IRAG1: variants seen among roughly 807,000 people sequenced by gnomAD.
IRAG1 encodes IP3R-associated cGMP kinase substrate.
IRAG1 carries 62 observed loss-of-function variants against 106.2 expected under a neutral mutation model. That is an observed-to-expected ratio of 0.58 (90% CI 0.48 to 0.72). The LOEUF (loss-of-function observed/expected upper bound fraction) is 0.72. Ranked by LOEUF, IRAG1 falls within the 30% of genes least tolerant of loss-of-function variation. The probability of loss-of-function intolerance (pLI) is 0.00; values close to 1 mark genes in which losing one functional copy is unlikely to be tolerated. For missense variants in IRAG1, 1,064 were observed against 1,140.7 expected (o/e 0.93, Z 0.97); for synonymous variants, 462 against 443.9 (o/e 1.04, Z -0.51).
At chr11:10,603,450 C>T (rs569944773) in intron 13 of IRAG1, among the ~76,000 whole-genome samples, 199 bp from the exon 14 acceptor site, 7 of 152,264 alleles carry the variant, frequency 4.6e-5, no homozygotes, top group East Asian at 3.9e-4. Flanking sequence ...CTAGATCCTT[C>T]GCATGCACAG....
intron 2 of IRAG1, among the ~76,000 whole-genome samples, chr11:10,641,363 A>G (rs1441382511): frequency 6.6e-6 from 1 of 152,136 alleles, no homozygotes; most frequent in Non-Finnish European, 1.5e-5. Context: ...AACCATCTGG[A>G]GTTAAATTGG....
chr11:10,609,797 A>G lies in IRAG1; in HGVS notation c.1502T>C (p.Leu501Ser), dbSNP rs1275136653. The G allele has an allele frequency of 6.2e-7, 1 of 1,613,982 alleles. No individual in the cohort carries two copies. The highest frequency in any genetic ancestry group is 1.3e-5 in the African/African-American group (1 of 75,046). Residue 501 changes from leucine (L) to serine (S), a missense_variant, in exon 11 of 21, where the codon TTA (leucine) becomes TCA (serine). Leu to Ser is a moderately radical substitution (Grantham distance 145). Transcript: ENST00000423302. Reference sequence around the variant, plus strand: ...ATCAGAAATATTAGGCATGACATCTAAGCCACTCTTTGACTCTTCTTCCTC... The same window carrying G: ...ATCAGAAATATTAGGCATGACATCTGAGCCACTCTTTGACTCTTCTTCCTC... Reference protein sequence around the residue: ...AIEEEESKSGLDVMPNISDVL... With the variant: ...AIEEEESKSGSDVMPNISDVL...
chr11:10,680,540 G>GAAGGAAGGAA lies in IRAG1; in HGVS notation c.67+12995_67+12996insTTCCTTCCTT, dbSNP rs149163071. Among the ~76,000 whole-genome samples the GAAGGAAGGAA allele has an allele frequency of 2.1e-3, 176 of 85,794 alleles. 1 individual carries two copies. Among genetic ancestry groups the GAAGGAAGGAA allele is most frequent in the African/African-American group, 9.0e-3 (167 of 18,548 alleles). 56.3% of individuals were successfully genotyped at this position (85,794 alleles called of 152,430 possible). On this transcript the variant is annotated intron_variant, in intron 1 of 20. Transcript: ENST00000423302. Reference sequence around the variant, plus strand: ...GAAAGGAAGAAAGGAAGGAAGGAAGGGGAAGGGGAAGGGGAAGGGGAAGGG... The same window carrying GAAGGAAGGAA: ...GAAAGGAAGAAAGGAAGGAAGGAAGGAAGGAAGGAAGGAAGGGGAAGGGGAAGGGGAAGGG...
rs1856442227 is a variant in IRAG1, at chr11:10,628,537, A to G, written c.652+214T>C. On this transcript the variant is annotated intron_variant, in intron 6 of 20. Coordinates refer to ENST00000423302, the MANE Select transcript of IRAG1 (RefSeq NM_130385.4). This position sits in a 1 kb window ranked among gnomAD's most constrained non-coding sequence, Gnocchi z 4.1. ...CCCTGGGGTACACCTGCCTCCCGACACAAGCCCAAGATGCTAACAGAAAGT... is the reference window on the plus strand; with the variant it reads ...CCCTGGGGTACACCTGCCTCCCGACGCAAGCCCAAGATGCTAACAGAAAGT... Among the ~76,000 whole-genome samples the G allele has an allele frequency of 6.6e-6, 1 of 152,138 alleles. No homozygotes were observed. The highest frequency in any genetic ancestry group is 1.5e-5 in the Non-Finnish European group (1 of 68,028).
chr11:10,618,250 G>A (rs534691378), intron 10 of IRAG1, among the ~76,000 whole-genome samples: 15 of 152,234 alleles, frequency 9.9e-5, no homozygotes, highest in Non-Finnish European at 1.3e-4. Flanking sequence ...GGCTCCTCCT[G>A]AAAACCTTCC....
rs111745329 is a variant in IRAG1 at position 10,692,195 on chromosome 11, G to GCA, written c.67+1339_67+1340dup. ...AAACAGCCACCCACCAAATATGCATGCACACACACACACATACACGCACTA... is the reference window on the plus strand; with the variant it reads ...AAACAGCCACCCACCAAATATGCATGCACACACACACACACATACACGCACTA... On this transcript the variant is annotated intron_variant, in intron 1 of 20. Transcript: ENST00000423302. 1.7e-3 allele frequency among the ~76,000 whole-genome samples: 264 copies of GCA among 150,958 alleles called. 1 individual carries two copies. The highest frequency in any genetic ancestry group is 7.6e-3 in the East Asian group (39 of 5,122).
chr11:10,661,623 A>C (rs975352075), intron 1 of IRAG1, among the ~76,000 whole-genome samples: 11 of 152,124 alleles, frequency 7.2e-5, no homozygotes, highest in Non-Finnish European at 1.6e-4. Context: ...TCCATCCTCA[A>C]AGCCAGCAGA....
At chr11:10,678,816 CA>C (rs1361437079) in intron 1 of IRAG1, among the ~76,000 whole-genome samples, 2 of 152,148 alleles carry the variant, frequency 1.3e-5, no homozygotes, top group African/African-American at 4.8e-5. Flanking sequence ...CTGTACCAAA[CA>C]GACCAATGTT....
intron 8 of IRAG1, 112 bp from the exon 9 acceptor site, chr11:10,626,695 T>C: frequency 7.8e-7 from 1 of 1,282,768 alleles, no homozygotes; most frequent in South Asian, 1.5e-5. Flanking sequence ...AGGGGCCCAT[T>C]TGTATAAGTG....
chr11:10,690,538 C>T (rs953651254), intron 1 of IRAG1, among the ~76,000 whole-genome samples: 2 of 152,190 alleles, frequency 1.3e-5, no homozygotes, highest in African/African-American at 4.8e-5. Context: ...CCTGGACTGT[C>T]GCCTGAACTC....
intron 14 of IRAG1, among the ~76,000 whole-genome samples, chr11:10,601,774 A>C (rs1380613618): frequency 6.6e-6 from 1 of 152,212 alleles, no homozygotes; most frequent in Admixed American, 6.5e-5. Flanking sequence ...GACTCAAGGG[A>C]GTGAGACTGG....
intron 15 of IRAG1, among the ~76,000 whole-genome samples, chr11:10,597,085 T>G (rs963200638): frequency 6.6e-6 from 1 of 152,232 alleles, no homozygotes; most frequent in African/African-American, 2.4e-5. Flanking sequence ...TCTACTCATA[T>G]TTCATTCACC....
In IRAG1 at chr11:10,628,754, G is replaced by A; in HGVS notation, c.649C>T (p.Pro217Ser). The A allele has an allele frequency of 6.5e-7, 1 of 1,537,500 alleles. No individual in the cohort carries two copies. The highest frequency in any genetic ancestry group is 1.7e-4 in the Middle Eastern group (1 of 5,856). The change falls in exon 6 of 21, where the codon CCA becomes TCA. Residue 217 changes from proline to serine, a missense_variant. Physicochemically the swap from Pro to Ser is moderately conservative, Grantham distance 74. Transcript: ENST00000423302. The surrounding 1 kb of genome is among the most constrained non-coding windows in gnomAD (Gnocchi z 4.1). ...TCCCCGGGCAGCTGGGCCTCACCTG[G>A]CGGGGTGGGGACTGTAAGTGAGTTG... ...RSNSLTVPTPPGLDVCSGPPS... is the reference protein window; with the variant it reads ...RSNSLTVPTPSGLDVCSGPPS...
At chr11:10,594,605 T>C (rs1225864609) in intron 15 of IRAG1, among the ~76,000 whole-genome samples, 2 of 152,192 alleles carry the variant, frequency 1.3e-5, no homozygotes, top group African/African-American at 2.4e-5. Flanking sequence ...TGCCAGTAAA[T>C]AATGAAAACT....
chr11:10,582,207 T>G (rs1851464313), intron 18 of IRAG1, among the ~76,000 whole-genome samples: 1 of 152,168 alleles, frequency 6.6e-6, no homozygotes, highest in South Asian at 2.1e-4. Flanking sequence ...CCAGCTCCCC[T>G]TCTCCTCATG....
intron 2 of IRAG1, among the ~76,000 whole-genome samples, chr11:10,634,501 C>G (rs1856985158): frequency 1.3e-5 from 2 of 152,168 alleles, no homozygotes; most frequent in South Asian, 4.1e-4. Flanking sequence ...ACGTATTCAC[C>G]TCATAACCAA....
chr11:10,674,265 C>A (rs1564939185), intron 1 of IRAG1, among the ~76,000 whole-genome samples: 1 of 152,220 alleles, frequency 6.6e-6, no homozygotes, highest in Non-Finnish European at 1.5e-5. Flanking sequence ...ACACCCCACA[C>A]CACACTCCAC....
intron 5 of IRAG1, 99 bp downstream of exon 5, chr11:10,629,439 C>A: frequency 7.5e-7 from 1 of 1,337,182 alleles, no homozygotes; most frequent in South Asian, 1.4e-5. Flanking sequence ...CCAAGGCGAC[C>A]TCCTCGGAGG....
At chr11:10,581,779 TA>T in intron 19 of IRAG1, 87 bp downstream of exon 19, 1 of 1,515,468 alleles carries the variant, frequency 6.6e-7, no homozygotes, top group Admixed American at 2.2e-5. Flanking sequence ...GTTACTTCCC[TA>T]AAGCCTCTAA....
Sources: allele counts gnomAD v4.1 joint callset (sites outside exome capture counted in the v4.1 genomes callset), GRCh38; gene constraint gnomAD v4.1.1; non-coding constraint Gnocchi (gnomAD v3.1); transcripts MANE v1.5; gene names NCBI Gene and HGNC (gene_info 2026-07-23, HGNC 2026-07-21).